CDK14: variants seen among roughly 807,000 people sequenced by gnomAD.
The protein encoded by CDK14 is cyclin dependent kinase 14.
A neutral mutation model predicts 60.7 loss-of-function variants in CDK14; 34 were observed. The ratio of observed to expected loss-of-function variants is 0.56; its 90% confidence interval spans 0.43 to 0.75. The LOEUF (loss-of-function observed/expected upper bound fraction) is 0.75. Among genes scored for constraint, CDK14 ranks in the 30% least tolerant of loss-of-function variants. CDK14 has a pLI of 0.00. For synonymous variants in CDK14, 197 were observed against 203.7 expected (o/e 0.97, Z 0.28); for missense variants, 482 against 564.1 (o/e 0.85, Z 1.47).
rs1800805397 is a variant in CDK14 at position 90,658,876 on chromosome 7, G to T, written c.123+54627G>T. ...ATATGTTTAGCATTTCTGAATCGGG[G>T]GTAGTTTCTTTTTGATAAATGCGAT... On this transcript the variant is annotated intron_variant, in intron 2 of 14. Transcript: ENST00000380050. Among the ~76,000 whole-genome samples, 4 of 152,148 alleles carry T rather than the reference G, an allele frequency of 2.6e-5. No homozygotes were observed. In the South Asian group the frequency reaches 8.3e-4, roughly 32 times the overall value.
intron 5 of CDK14, among the ~76,000 whole-genome samples, chr7:90,815,985 G>A (rs1789338186): frequency 6.6e-6 from 1 of 152,130 alleles, no homozygotes; most frequent in African/African-American, 2.4e-5. Context: ...TTAAGACCTA[G>A]AAGATGGGTT....
intron 5 of CDK14, among the ~76,000 whole-genome samples, chr7:90,825,494 A>G (rs1424520661): frequency 6.6e-6 from 1 of 152,232 alleles, no homozygotes; most frequent in Non-Finnish European, 1.5e-5. Flanking sequence ...CTTTTAGAGG[A>G]CTTCAGAGCT....
chr7:90,649,433 C>CTT lies in CDK14; in HGVS notation c.123+45185_123+45186insTT, dbSNP rs1554427257. On this transcript the variant is annotated intron_variant, in intron 2 of 14. Coordinates refer to ENST00000380050, the MANE Select transcript of CDK14 (RefSeq NM_001287135.2). The stretch of plus-strand genomic sequence containing the variant: ...TCTTTCTTTCTTTCCTTCTTTCTTT[C>CTT]TCTTTCCTTCCTTCTTTCCTTCTTT... 3.4e-3 allele frequency among the ~76,000 whole-genome samples: 233 copies of CTT among 67,982 alleles called. 6 individuals are homozygous for CTT. Among genetic ancestry groups the CTT allele is most frequent in the East Asian group, 9.0e-3 (5 of 554 alleles). 44.6% of individuals were successfully genotyped at this position (67,982 alleles called of 152,430 possible).
Position 91,017,637 on chromosome 7 carries a change from C to T in CDK14, c.1042-28260C>T, listed in dbSNP as rs1796334494. On this transcript the variant is annotated intron_variant, in intron 10 of 14. Coordinates refer to ENST00000380050, the MANE Select transcript of CDK14 (RefSeq NM_001287135.2). Reference sequence around the variant, plus strand: ...GCTATTATTGATTACTTCAGATGGTCGATAGGTGTTTGTGTTTGACATAGA... The same window carrying T: ...GCTATTATTGATTACTTCAGATGGTTGATAGGTGTTTGTGTTTGACATAGA... Among the ~76,000 whole-genome samples the T allele has an allele frequency of 7.2e-5, 11 of 152,052 alleles. No individual in the cohort carries two copies. The South Asian group carries it at 2.3e-3, about 32-fold the overall frequency.
At chr7:90,606,668 C>T (rs1251137558) in intron 2 of CDK14, among the ~76,000 whole-genome samples, 2 of 152,170 alleles carry the variant, frequency 1.3e-5, no homozygotes, top group Non-Finnish European at 2.9e-5. Context: ...TTATCTAAAA[C>T]CCACCATTGT....
At chr7:91,069,183 A>G (rs1341106677) in intron 11 of CDK14, among the ~76,000 whole-genome samples, 1 of 152,192 alleles carries the variant, frequency 6.6e-6, no homozygotes, top group Non-Finnish European at 1.5e-5. Context: ...TTGTACATGA[A>G]ACATACCATA....
rs1357664991 is a variant in CDK14, at chr7:91,188,264, T to TA, written c.*29-18901_*29-18900insA. ...GATTTTTAGGAGTATCATTTAAACA[T>TA]TCCTCAGATATGTTAACTCATACCC... is the stretch of plus-strand genomic sequence containing the variant. On this transcript the variant is annotated intron_variant, in intron 14 of 14. Transcript: ENST00000380050. Among the ~76,000 whole-genome samples the TA allele has an allele frequency of 1.3e-4, 20 of 152,224 alleles. 1 individual carries two copies. The highest frequency in any genetic ancestry group is 8.5e-4 in the Admixed American group (13 of 15,280).
intron 2 of CDK14, among the ~76,000 whole-genome samples, chr7:90,628,614 A>C (rs1799926184): frequency 6.6e-6 from 1 of 152,072 alleles, no homozygotes; most frequent in Non-Finnish European, 1.5e-5. Context: ...AGAGGCCAGG[A>C]GTTTGAGACC....
At chr7:91,025,740 C>G (rs1200849323) in intron 10 of CDK14, among the ~76,000 whole-genome samples, 2 of 152,296 alleles carry the variant, frequency 1.3e-5, no homozygotes, top group East Asian at 3.9e-4. Context: ...TGTGCACTGC[C>G]TGTGCCTGTC....
intron 5 of CDK14, among the ~76,000 whole-genome samples, chr7:90,862,883 A>G (rs1057279006): frequency 6.6e-6 from 1 of 152,174 alleles, no homozygotes; most frequent in African/African-American, 2.4e-5. Flanking sequence ...ATCTGAATGA[A>G]AACCTTGTTT....
chr7:90,899,332 G>A lies in CDK14; in HGVS notation c.681G>A (p.Gly227=), dbSNP rs55664580. The A allele has an allele frequency of 4.1e-5, 65 of 1,601,926 alleles. 1 individual carries two copies. In the East Asian group the frequency reaches 5.5e-4, roughly 13 times the overall value. Residue 227 remains glycine (G), a synonymous_variant, in exon 7 of 15, where the codon GGG becomes GGA. Coordinates refer to ENST00000380050, the MANE Select transcript of CDK14 (RefSeq NM_001287135.2). ...LCQYMDKHPG[G]LHPDNVKLFL... is the part of the protein sequence containing the mutation. The stretch of plus-strand genomic sequence containing the variant: ...AGTACATGGACAAGCACCCTGGGGG[G>A]CTGCATCCAGATAATGTGAAGGTAG...
rs186683872 is a variant in CDK14 at position 90,961,190 on chromosome 7, C to G, written c.947+5373C>G. ...CTAGAGCAACTCCAAAACACAAATA[C>G]AGCAAAACATATATTTTATAATTTA... On this transcript the variant is annotated intron_variant, in intron 9 of 14. Transcript: ENST00000380050. Among the ~76,000 whole-genome samples the G allele has an allele frequency of 5.0e-4, 76 of 152,202 alleles. No individual in the cohort carries two copies. In the East Asian group the frequency reaches 9.3e-3, roughly 19 times the overall value.
chr7:90,639,824 C>T (rs551488289), intron 2 of CDK14, among the ~76,000 whole-genome samples: 48 of 152,258 alleles, frequency 3.2e-4, no homozygotes, highest in African/African-American at 9.9e-4. Flanking sequence ...TGGGCAATGG[C>T]GGGCGCCCCT....
intron 12 of CDK14, among the ~76,000 whole-genome samples, chr7:91,091,501 T>TTTTATATATATATATATATA (rs1369809555): frequency 1.1e-5 from 1 of 88,972 alleles, no homozygotes; most frequent in African/African-American, 4.3e-5. Flanking sequence ...TTTATATATT[T>TTTTATATATATATATATATA]TATATATATA....
In CDK14 at chr7:90,781,821, C is replaced by A. The variant is rs867437828; in HGVS notation, c.465-8752C>A. Among the ~76,000 whole-genome samples, 414 of 152,176 alleles carry A rather than the reference C, an allele frequency of 2.7e-3. 2 individuals carry two copies. The highest frequency in any genetic ancestry group is 9.5e-3 in the African/African-American group (392 of 41,478). ...ACCATGCTGTTTTGGTTACTGTAGC[C>A]TTGTAGTGTAGTTTGAAGTCAGGTA... is the stretch of plus-strand genomic sequence containing the variant. On this transcript the variant is annotated intron_variant, in intron 4 of 14. Transcript: ENST00000380050.
intron 2 of CDK14, among the ~76,000 whole-genome samples, chr7:90,650,640 T>C (rs17866525): frequency 2.0e-5 from 3 of 152,154 alleles, no homozygotes; most frequent in Non-Finnish European, 4.4e-5. Context: ...TTGTGTAAGG[T>C]GTAAGGAAGG....
intron 5 of CDK14, among the ~76,000 whole-genome samples, chr7:90,826,244 G>A (rs1338732840): frequency 6.6e-6 from 1 of 152,132 alleles, no homozygotes; most frequent in Non-Finnish European, 1.5e-5. Flanking sequence ...TTGAGATGGA[G>A]TCTCACTCCT....
In CDK14 at chr7:90,639,914, C is replaced by T. The variant is rs17865225; in HGVS notation, c.123+35665C>T. 1.4e-4 allele frequency among the ~76,000 whole-genome samples: 21 copies of T among 152,250 alleles called. No homozygotes were observed. The East Asian group carries it at 3.9e-3, about 28-fold the overall frequency. On this transcript the variant is annotated intron_variant, in intron 2 of 14. Transcript: ENST00000380050. ...CGGCGAGACTCCGTGGGCGTAGGAC[C>T]CTCCGAGCCAGGTGCGGGATATAGT...
intron 12 of CDK14, among the ~76,000 whole-genome samples, chr7:91,095,048 G>A (rs1430677735): frequency 6.6e-6 from 1 of 152,178 alleles, no homozygotes; most frequent in African/African-American, 2.4e-5. Context: ...GGATGTTTGG[G>A]AATGCTGTTT....
Sources: allele counts gnomAD v4.1 joint callset (sites outside exome capture counted in the v4.1 genomes callset), GRCh38; gene constraint gnomAD v4.1.1; transcripts MANE v1.5; gene names NCBI Gene and HGNC (gene_info 2026-07-23, HGNC 2026-07-21).